Variants in RBMS3 observed in about 807,000 individuals in gnomAD.
RBMS3 encodes RNA-binding motif, single-stranded-interacting protein 3.
A neutral mutation model predicts 66.8 loss-of-function variants in RBMS3; 27 were observed. The ratio of observed to expected loss-of-function variants is 0.40; its 90% CI spans 0.30 to 0.56. The LOEUF (loss-of-function observed/expected upper bound fraction) is 0.56. Ranked by LOEUF, RBMS3 falls within the 20% of genes least tolerant of loss-of-function variation. RBMS3 has a pLI of 0.40. For missense variants in RBMS3, 513 were observed against 549.5 expected, an observed-to-expected ratio of 0.93 and a Z score of 0.66; for synonymous variants, 188 against 183.0, an observed-to-expected ratio of 1.03 and a Z score of -0.22.
At chr3:29,916,626 A>G (rs2060643551) in intron 10 of RBMS3, among the ~76,000 whole-genome samples, 1 of 152,006 alleles carries the variant, frequency 6.6e-6, no homozygotes, top group Admixed American at 6.6e-5. Flanking sequence ...ACATCAGTCT[A>G]GCCAATATTG....
intron 2 of RBMS3, among the ~76,000 whole-genome samples, chr3:29,436,699 T>G (rs1299678029): frequency 6.6e-6 from 1 of 152,170 alleles, no homozygotes; most frequent in Admixed American, 6.5e-5. Context: ...TTTTTAAGGG[T>G]AGCTATTAGG....
intron 1 of RBMS3, among the ~76,000 whole-genome samples, chr3:29,380,661 T>C (rs902011013): frequency 2.0e-5 from 3 of 152,160 alleles, no homozygotes; most frequent in African/African-American, 7.2e-5. Context: ...GAGCCAGGAA[T>C]AGGGCAGGTC....
At chr3:29,902,159 C>T (rs1156706357) in intron 10 of RBMS3, among the ~76,000 whole-genome samples, 3 of 151,790 alleles carry the variant, frequency 2.0e-5, no homozygotes, top group Non-Finnish European at 4.4e-5. Context: ...GAGCTATTTA[C>T]ATAAACTTTC....
intron 1 of RBMS3, among the ~76,000 whole-genome samples, chr3:29,374,426 A>G (rs948564363): frequency 9.9e-5 from 15 of 152,236 alleles, no homozygotes; most frequent in Admixed American, 4.6e-4. Context: ...TTACACAGAT[A>G]GTATGTAACT....
chr3:29,748,729 G>C (rs2055041278), intron 5 of RBMS3, among the ~76,000 whole-genome samples: 1 of 152,122 alleles, frequency 6.6e-6, no homozygotes, highest in African/African-American at 2.4e-5. Flanking sequence ...CCTGATCTGA[G>C]TTTTCTCATT....
chr3:29,403,547 G>T lies in RBMS3; in HGVS notation c.76-31196G>T, dbSNP rs554290030. On this transcript the variant is annotated intron_variant, in intron 1 of 14. Coordinates refer to ENST00000383767, the MANE Select transcript of RBMS3 (RefSeq NM_001003793.3). ...GTAAGAACAGCACCTCCAACTTTAG[G>T]CCCAATCATAAGGCAGATCAGACTG... 2.0e-5 allele frequency among the ~76,000 whole-genome samples: 3 copies of T among 152,080 alleles called. No individual in the cohort carries two copies. In the East Asian group the frequency reaches 5.8e-4, roughly 29 times the overall value.
At chr3:29,867,502 T>C (rs1401615625) in intron 6 of RBMS3, among the ~76,000 whole-genome samples, 1 of 143,184 alleles carries the variant, frequency 7.0e-6, no homozygotes, top group Non-Finnish European at 1.5e-5. Context: ...CATTGGATGA[T>C]CTAGTATGGC....
At chr3:29,413,423 T>TACAC (rs1553599304) in intron 1 of RBMS3, among the ~76,000 whole-genome samples, 3,344 of 119,008 alleles carry the variant, frequency 0.028, 205 homozygotes, top group African/African-American at 0.08. Context: ...CATACATACA[T>TACAC]ACACAGAGTT....
intron 4 of RBMS3, among the ~76,000 whole-genome samples, chr3:29,588,337 C>T (rs2047605803): frequency 6.6e-6 from 1 of 152,042 alleles, no homozygotes; most frequent in South Asian, 2.1e-4. Flanking sequence ...TGTATTCATG[C>T]TCTGCTCGTG....
intron 3 of RBMS3, among the ~76,000 whole-genome samples, chr3:29,558,569 A>C (rs1215109334): frequency 6.6e-6 from 1 of 152,218 alleles, no homozygotes; most frequent in Non-Finnish European, 1.5e-5. Context: ...GCAGATTTAG[A>C]GTAGTGTTCA....
At chr3:29,363,437 G>C (rs13318780) in intron 1 of RBMS3, among the ~76,000 whole-genome samples, 8,020 of 152,106 alleles carry the variant, frequency 0.053, 306 homozygotes, top group African/African-American at 0.097. Flanking sequence ...GATGATGAAG[G>C]CTTCACTAAG....
At chr3:29,842,068 T>C (rs1018298107) in intron 6 of RBMS3, among the ~76,000 whole-genome samples, 1 of 152,110 alleles carries the variant, frequency 6.6e-6, no homozygotes, top group South Asian at 2.1e-4. Context: ...TTCTTAGACT[T>C]GAGTTACACT....
At chr3:29,578,790 C>CTTTATTTTTTTTTTTTTTTT (rs2047215800) in intron 3 of RBMS3, among the ~76,000 whole-genome samples, 1 of 101,086 alleles carries the variant, frequency 9.9e-6, no homozygotes, top group African/African-American at 4.5e-5. Flanking sequence ...ATACATGCTT[C>CTTTATTTTTTTTTTTTTTTT]TTTTTTTTTT....
intron 14 of RBMS3, among the ~76,000 whole-genome samples, chr3:29,993,655 T>TGC (rs1295210095): frequency 6.6e-6 from 1 of 152,224 alleles, no homozygotes; most frequent in Non-Finnish European, 1.5e-5. Context: ...GTTACTTGAC[T>TGC]GCTAGAGCTA....
intron 1 of RBMS3, among the ~76,000 whole-genome samples, chr3:29,415,004 G>A (rs1323441866): frequency 6.6e-6 from 1 of 152,146 alleles, no homozygotes; most frequent in African/African-American, 2.4e-5. Context: ...AATAAAATGA[G>A]GATATGGCTG....
chr3:29,834,463 CA>C (rs1295465752), intron 6 of RBMS3, among the ~76,000 whole-genome samples: 1 of 151,760 alleles, frequency 6.6e-6, no homozygotes, highest in African/African-American at 2.4e-5. Context: ...GGGTGGGCAG[CA>C]GTGTAAAATT....
chr3:29,993,524 T>A (rs77913884), intron 14 of RBMS3, among the ~76,000 whole-genome samples: 2,553 of 152,260 alleles, frequency 0.017, 70 homozygotes, highest in African/African-American at 0.057. Flanking sequence ...AGGTTAATAT[T>A]TGAATCAGTT....
intron 2 of RBMS3, among the ~76,000 whole-genome samples, chr3:29,468,863 G>C (rs2042627532): frequency 6.6e-6 from 1 of 152,032 alleles, no homozygotes; most frequent in South Asian, 2.1e-4. Flanking sequence ...TAAAGAAAAA[G>C]TGTTTGAAAA....
chr3:29,688,184 G>A (rs1370601586), intron 4 of RBMS3, among the ~76,000 whole-genome samples: 1 of 151,976 alleles, frequency 6.6e-6, no homozygotes, highest in Non-Finnish European at 1.5e-5. Flanking sequence ...CTTACCTCCT[G>A]TTATTCTTAG....
Sources: allele counts gnomAD v4.1 joint callset (sites outside exome capture counted in the v4.1 genomes callset), GRCh38; gene constraint gnomAD v4.1.1; transcripts MANE v1.5; gene names NCBI Gene and HGNC (gene_info 2026-07-23, HGNC 2026-07-21).